The following LPP variants were observed in gnomAD, a reference collection of about 807,000 sequenced individuals.
LPP encodes the protein LIM domain containing preferred translocation partner in lipoma.
Under a neutral mutation model 60.4 loss-of-function variants are expected in LPP, and 38 were observed. The observed-to-expected ratio is 0.63, with a 90% CI of 0.49 to 0.83. The LOEUF is 0.83. LPP is among the 40% of genes least tolerant of loss of function. The probability of loss-of-function intolerance (pLI) is 0.00; values close to 1 mark genes in which losing one functional copy is unlikely to be tolerated. For missense variants in LPP, 902 were observed against 783.6 expected, an observed-to-expected ratio of 1.15 and a Z score of -1.80; for synonymous variants, 328 against 290.8, an observed-to-expected ratio of 1.13 and a Z score of -1.30.
intron 8 of LPP, among the ~76,000 whole-genome samples, chr3:188,738,583 A>G: frequency 6.6e-6 from 1 of 152,166 alleles, no homozygotes; most frequent in East Asian, 1.9e-4. Flanking sequence ...TATATGTGCA[A>G]TGGATCCCTA....
At chr3:188,363,857 A>G (rs1485794271) in intron 3 of LPP, among the ~76,000 whole-genome samples, 2 of 137,282 alleles carry the variant, frequency 1.5e-5, no homozygotes, top group Non-Finnish European at 3.1e-5. Flanking sequence ...GTGAGTTGAG[A>G]TGGTGCCACT....
chr3:188,159,278 G>T (rs1190422448), intron 1 of LPP, among the ~76,000 whole-genome samples: 2 of 152,094 alleles, frequency 1.3e-5, no homozygotes, highest in African/African-American at 4.8e-5. Context: ...GGGCTCTGAG[G>T]GAACACCTAC....
intron 6 of LPP, among the ~76,000 whole-genome samples, chr3:188,543,908 C>T (rs747074053): frequency 1.3e-5 from 2 of 152,130 alleles, no homozygotes; most frequent in African/African-American, 2.4e-5. Context: ...GACTTACTGT[C>T]CACAGGGATT....
At chr3:188,754,159 T>C (rs1729361316) in intron 8 of LPP, among the ~76,000 whole-genome samples, 1 of 152,196 alleles carries the variant, frequency 6.6e-6, no homozygotes, top group Admixed American at 6.5e-5. Context: ...AGAAGAGCCA[T>C]ATGATAAATT....
intron 8 of LPP, among the ~76,000 whole-genome samples, chr3:188,713,721 G>A (rs899494838): frequency 6.6e-5 from 10 of 152,118 alleles, no homozygotes. Context: ...AGCTAGAGAT[G>A]CTATAACTGC....
chr3:188,230,143 T>C (rs924882614), intron 2 of LPP, among the ~76,000 whole-genome samples: 3 of 151,826 alleles, frequency 2.0e-5, no homozygotes, highest in Admixed American at 1.3e-4. Context: ...CAGAGTGCGG[T>C]GGTGCGATCT....
At chr3:188,784,549 T>C (rs1356830087) in intron 9 of LPP, among the ~76,000 whole-genome samples, 1 of 46,148 alleles carries the variant, frequency 2.2e-5, no homozygotes, top group East Asian at 8.3e-4. Context: ...ATATATATAT[T>C]CCATCATATA....
rs376791581 is a variant in LPP at position 188,235,607 on chromosome 3, A to AT, written c.-67+10081dup. ...GTTCCTTTCTCCATAATCTTGGCAC[A>AT]TGTAAGTGCTGACTTACCTTGGGCA... On this transcript the variant is annotated intron_variant, in intron 2 of 11. Transcript: ENST00000617246. Among the ~76,000 whole-genome samples, 368 of 152,324 alleles carry AT rather than the reference A, an allele frequency of 2.4e-3. 3 individuals are homozygous for AT. The highest frequency in any genetic ancestry group is 0.01 in the Middle Eastern group (3 of 294).
chr3:188,353,176 A>G (rs2103022), intron 3 of LPP, among the ~76,000 whole-genome samples: 118,413 of 152,100 alleles, frequency 0.78, 46,364 homozygotes, highest in African/African-American at 0.86. Context: ...ACAAGATTAC[A>G]GGGTCCTCGG....
In LPP at chr3:188,826,345, C is replaced by G. The variant is rs1198086869; in HGVS notation, c.1411-39855C>G. ...AGATCCTGTTATCCTCGTGTCGATT[C>G]TTGCCCCATTAGCTTTCAGCAGTAA... On this transcript the variant is annotated intron_variant, in intron 9 of 11. Transcript: ENST00000617246. Among the ~76,000 whole-genome samples the G allele has an allele frequency of 2.0e-5, 3 of 152,198 alleles. No homozygotes were observed. In the East Asian group the frequency reaches 5.8e-4, roughly 29 times the overall value.
Position 188,610,995 on chromosome 3 carries a change from T to C in LPP, c.1113+1151T>C, listed in dbSNP as rs1432767231. On this transcript the variant is annotated intron_variant, in intron 7 of 11. Transcript: ENST00000617246. This position sits in a 1 kb window ranked among gnomAD's most constrained non-coding sequence, Gnocchi z 4.4. ...AAATTCTTTCCACATTTTTACAAGA[T>C]TGTCCATTTCAAGACAGATCTATTC... is the stretch of plus-strand genomic sequence containing the variant. Among the ~76,000 whole-genome samples the C allele has an allele frequency of 6.6e-6, 1 of 152,228 alleles. No individual in the cohort carries two copies. The highest frequency in any genetic ancestry group is 2.4e-5 in the African/African-American group (1 of 41,456).
At chr3:188,676,687 T>C (rs769070937) in intron 7 of LPP, among the ~76,000 whole-genome samples, 3 of 152,140 alleles carry the variant, frequency 2.0e-5, no homozygotes, top group Non-Finnish European at 2.9e-5. Context: ...AATGTGGCCT[T>C]ATAGATCCTT....
intron 4 of LPP, among the ~76,000 whole-genome samples, chr3:188,438,080 T>C (rs1792796011): frequency 6.6e-6 from 1 of 152,122 alleles, no homozygotes; most frequent in African/African-American, 2.4e-5. Context: ...ATAAATCAGT[T>C]GTGGCCCAAC....
In LPP at chr3:188,156,846, G is replaced by GCC. The variant is rs199686814; in HGVS notation, c.-190+2597_-190+2598dup. On this transcript the variant is annotated intron_variant, in intron 1 of 11. Coordinates refer to ENST00000617246, the MANE Select transcript of LPP (RefSeq NM_001375462.1). ...AGTGAGACTCCATTTCCTCTGCTGC[G>GCC]CCCCACCCCCCCAAGAAAAATAATA... Among the ~76,000 whole-genome samples the GCC allele has an allele frequency of 5.3e-3, 780 of 145,872 alleles. 10 individuals are homozygous for GCC. The highest frequency in any genetic ancestry group is 0.019 in the East Asian group (91 of 4,870).
chr3:188,718,399 G>T (rs1386530547), intron 8 of LPP, among the ~76,000 whole-genome samples: 1 of 152,146 alleles, frequency 6.6e-6, no homozygotes, highest in Non-Finnish European at 1.5e-5. Context: ...TCAGACCGTA[G>T]ATCCACCTTA....
At chr3:188,744,234 C>A (rs928232405) in intron 8 of LPP, among the ~76,000 whole-genome samples, 1 of 152,102 alleles carries the variant, frequency 6.6e-6, no homozygotes, top group Non-Finnish European at 1.5e-5. Flanking sequence ...TTTCCACTAC[C>A]CCTAGTTTAA....
chr3:188,353,513 C>A (rs1560286135), intron 3 of LPP, among the ~76,000 whole-genome samples: 1 of 152,176 alleles, frequency 6.6e-6, no homozygotes, highest in Admixed American at 6.5e-5. Flanking sequence ...CAATTGACTG[C>A]TCAAATTTAC....
intron 1 of LPP, among the ~76,000 whole-genome samples, chr3:188,188,855 A>C (rs539365990): frequency 6.6e-6 from 1 of 152,232 alleles, no homozygotes; most frequent in East Asian, 1.9e-4. Flanking sequence ...AATCTGCATC[A>C]CATAATTACA....
chr3:188,402,294 G>T (rs1417849717), intron 3 of LPP, among the ~76,000 whole-genome samples: 1 of 152,102 alleles, frequency 6.6e-6, no homozygotes, highest in African/African-American at 2.4e-5. Context: ...ATGATTATAT[G>T]TACACAAATT....
Sources: allele counts gnomAD v4.1 joint callset (sites outside exome capture counted in the v4.1 genomes callset), GRCh38; gene constraint gnomAD v4.1.1; non-coding constraint Gnocchi (gnomAD v3.1); transcripts MANE v1.5; gene names NCBI Gene and HGNC (gene_info 2026-07-23, HGNC 2026-07-21).